The following USP2 variants were observed in gnomAD, a reference collection of about 807,000 sequenced individuals.
The protein encoded by USP2 is ubiquitin specific peptidase 2, also known as ubiquitin carboxyl-terminal hydrolase 2.
A neutral mutation model predicts 72.0 loss-of-function variants in USP2; 33 were observed. That is an observed-to-expected ratio of 0.46 (90% CI 0.35 to 0.61). The LOEUF is 0.61. USP2 is among the 20% of genes least tolerant of loss of function. USP2 has a pLI of 0.01. For missense variants in USP2, 691 were observed against 797.8 expected (o/e 0.87, Z 1.61); for synonymous variants, 296 against 312.5 (o/e 0.95, Z 0.56).
At chr11:119,366,339 C>T (rs1350645680) in intron 2 of USP2, among the ~76,000 whole-genome samples, 1 of 152,214 alleles carries the variant, frequency 6.6e-6, no homozygotes, top group Non-Finnish European at 1.5e-5. Context: ...GGATGTACTT[C>T]CTGCTCTCTG....
Position 119,356,664 on chromosome 11 carries a change from C to G in USP2, c.*171G>C. The G allele has an allele frequency of 1.5e-6, 1 of 661,268 alleles. No individual in the cohort carries two copies. The highest frequency in any genetic ancestry group is 2.9e-5 in the East Asian group (1 of 34,178). 41.0% of individuals were successfully genotyped at this position (661,268 alleles called of 1,614,324 possible). On this transcript the variant is annotated 3_prime_UTR_variant, in exon 13 of 13. Transcript: ENST00000260187. The stretch of plus-strand genomic sequence containing the variant: ...CGGGCCACAGCTCAGGAAAGCCCGG[C>G]TCCTTGCTCCAGACCCTGATCAGGC...
rs1217125054 is a variant in USP2, at chr11:119,358,017, G to A, written c.1386C>T (p.Phe462=). ...EVTLMDCMRL[F]TKEDVLDGDE... ...CTCCATCAAGCACATCCTCTTTGGT[G>A]AAGAGCCTCATGCAGTCCATTAATG... Residue 462 remains phenylalanine (F), a synonymous_variant, in exon 9 of 13, where the codon TTC becomes TTT. Transcript: ENST00000260187. 6.2e-7 allele frequency: 1 copy of A among 1,614,182 alleles called. No homozygotes were observed. Among genetic ancestry groups the A allele is most frequent in the East Asian group, 2.2e-5 (1 of 44,880 alleles).
chr11:119,355,701 G>C lies in USP2; in HGVS notation c.*1134C>G, dbSNP rs924320922. 2 of 152,440 alleles carry C rather than the reference G, an allele frequency of 1.3e-5. No individual in the cohort carries two copies. The highest frequency in any genetic ancestry group is 4.8e-5 in the African/African-American group (2 of 41,422). The allele number at this position is 152,440 out of a possible 1,614,324, so 9.4% of individuals were successfully genotyped here. A position where few individuals can be genotyped will look rare whatever the true frequency, so the allele number is the denominator to read the frequency against. On this transcript the variant is annotated 3_prime_UTR_variant, in exon 13 of 13. Transcript: ENST00000260187. ...AGGGGGCGGGGGCAGGAAGGCCAGG[G>C]GGAAAGGGATGTTAAGAGAATAAAT... is the stretch of plus-strand genomic sequence containing the variant.
At chr11:119,365,620 C>G (rs1365207749) in intron 2 of USP2, among the ~76,000 whole-genome samples, 2 of 152,198 alleles carry the variant, frequency 1.3e-5, no homozygotes, top group African/African-American at 4.8e-5. Context: ...TCTCATCACT[C>G]TTCTGTCCTG....
At position 119,356,658 on chromosome 11, in the gene USP2, GC is replaced by G. The variant is rs1266414280; in HGVS notation, c.*176del. On this transcript the variant is annotated 3_prime_UTR_variant, in exon 13 of 13. Coordinates refer to ENST00000260187, the MANE Select transcript of USP2 (RefSeq NM_004205.5). ...CCCTGCCGGGCCACAGCTCAGGAAA[GC>G]CCGGCTCCTTGCTCCAGACCCTGAT... 6.2e-6 allele frequency: 4 copies of G among 641,420 alleles called. No homozygotes were observed. Among genetic ancestry groups the G allele is most frequent in the African/African-American group, 5.6e-5 (3 of 53,606 alleles). The allele number at this position is 641,420 out of a possible 1,614,324, so 39.7% of individuals were successfully genotyped here.
At chr11:119,357,336 G>A (rs1437714075) in intron 11 of USP2, 29 bp from the exon 12 acceptor site, 12 of 1,583,112 alleles carry the variant, frequency 7.6e-6, no homozygotes, top group South Asian at 3.3e-5. Context: ...TCAAGCCCCC[G>A]AGGCCCCCCT....
intron 1 of USP2, chr11:119,379,213 G>A: frequency 1.0e-6 from 1 of 985,500 alleles, no homozygotes; most frequent in South Asian, 4.7e-5. Context: ...CCAAGCCCCA[G>A]GAGAATTAAA....
intron 1 of USP2, chr11:119,378,995 G>T (rs1951032141): frequency 1.0e-6 from 1 of 985,336 alleles, no homozygotes; most frequent in South Asian, 4.7e-5. Context: ...TACCAAAGGG[G>T]CAGCTACTGA....
In USP2 at chr11:119,373,290, C is replaced by T. The variant is rs141614167; in HGVS notation, c.191G>A (p.Arg64His). Residue 64 changes from arginine (R) to histidine (H), a missense_variant, in exon 2 of 13, where the codon CGT (arginine) becomes CAT (histidine). Coordinates refer to ENST00000260187, the MANE Select transcript of USP2 (RefSeq NM_004205.5). ...VPTSSFLTRP[R>H]TYGPSSLLDY... ...CAGGAGGGAGGAGGGGCCATAGGTACGGGGACGGGTGAGGAAGCTGCTGGT... is the reference window on the plus strand; with the variant it reads ...CAGGAGGGAGGAGGGGCCATAGGTATGGGGACGGGTGAGGAAGCTGCTGGT... 2.4e-5 allele frequency: 39 copies of T among 1,613,780 alleles called. No individual in the cohort carries two copies. The highest frequency in any genetic ancestry group is 6.7e-5 in the Admixed American group (4 of 60,012).
intron 1 of USP2, among the ~76,000 whole-genome samples, chr11:119,374,891 T>G (rs1321227765): frequency 1.3e-5 from 2 of 152,052 alleles, no homozygotes; most frequent in Non-Finnish European, 2.9e-5. Flanking sequence ...TGTAAATGAG[T>G]AAAACCATCA....
chr11:119,372,348 C>T (rs572650978), intron 2 of USP2, among the ~76,000 whole-genome samples: 38 of 151,882 alleles, frequency 2.5e-4, no homozygotes, highest in Non-Finnish European at 3.5e-4. Context: ...GTGGTCTGGG[C>T]CCCCCCGCAT....
chr11:119,379,379 G>T, intron 1 of USP2: 1 of 690,104 alleles, frequency 1.4e-6, no homozygotes, highest in Non-Finnish European at 1.8e-6. Context: ...GGGTGGGGGT[G>T]GAACTTGAGA....
Position 119,356,722 on chromosome 11 carries a change from G to T in USP2, c.*113C>A. The T allele has an allele frequency of 1.7e-6, 2 of 1,170,594 alleles. No individual in the cohort carries two copies. Among genetic ancestry groups the T allele is most frequent in the Non-Finnish European group, 2.4e-6 (2 of 841,552 alleles). The allele number at this position is 1,170,594 out of a possible 1,614,324, so 72.5% of individuals were successfully genotyped here. On this transcript the variant is annotated 3_prime_UTR_variant, in exon 13 of 13. Coordinates refer to ENST00000260187, the MANE Select transcript of USP2 (RefSeq NM_004205.5). Reference sequence around the variant, plus strand: ...ACTCCTGCTCGGCAGCTTCAGGTTTGTTTTTCTCTTGTCAGGTTTGTGTGT... The same window carrying T: ...ACTCCTGCTCGGCAGCTTCAGGTTTTTTTTTCTCTTGTCAGGTTTGTGTGT...
At chr11:119,373,562 G>GT in intron 1 of USP2, 41 bp from the exon 2 acceptor site, 2 of 1,458,522 alleles carry the variant, frequency 1.4e-6, no homozygotes, top group Non-Finnish European at 1.8e-6. Flanking sequence ...GCCCTGCCAG[G>GT]TGTCGGGCTC....
chr11:119,356,954 G>A (rs1197183420), intron 12 of USP2, 32 bp from the exon 13 acceptor site: 5 of 1,547,444 alleles, frequency 3.2e-6, no homozygotes, highest in East Asian at 2.4e-5. Context: ...AGCCCGGAGC[G>A]GGCAGGACCG....
chr11:119,361,313 C>A (rs185811475), intron 2 of USP2, among the ~76,000 whole-genome samples: 1 of 152,140 alleles, frequency 6.6e-6, no homozygotes, highest in South Asian at 2.1e-4. Flanking sequence ...GGTGCTGGAT[C>A]GAGGACTCTG....
intron 2 of USP2, among the ~76,000 whole-genome samples, chr11:119,369,495 C>CT (rs368072999): frequency 2.2e-4 from 34 of 151,836 alleles, no homozygotes; most frequent in East Asian, 9.7e-4. Flanking sequence ...ACAGGATGTA[C>CT]TTTTTTTTAC....
In USP2 at chr11:119,359,571, G is replaced by C. The variant is rs763206240; in HGVS notation, c.915C>G (p.His305Gln). 1 of 1,614,020 alleles carries C rather than the reference G, an allele frequency of 6.2e-7. No homozygotes were observed. The highest frequency in any genetic ancestry group is 8.5e-7 in the Non-Finnish European group (1 of 1,180,028). The change falls in exon 4 of 13, where the codon CAC becomes CAG. Residue 305 changes from histidine (H) to glutamine (Q), a missense_variant. His to Gln is a conservative substitution (Grantham distance 24). Coordinates refer to ENST00000260187, the MANE Select transcript of USP2 (RefSeq NM_004205.5). ...GGGCTGTGTGTGCATTGCTGCCGTG[G>C]TGCAGGTCCCGCATGTAGAGCCTCT... ...CLQRLYMRDL[H>Q]HGSNAHTALV...
chr11:119,358,964 G>A (rs904088505), intron 6 of USP2, 60 bp downstream of exon 6: 14 of 1,586,884 alleles, frequency 8.8e-6, no homozygotes, highest in East Asian at 2.2e-5. Flanking sequence ...CCAAAGTGGT[G>A]GGTAAAAATC....
Sources: allele counts gnomAD v4.1 joint callset (sites outside exome capture counted in the v4.1 genomes callset), GRCh38; gene constraint gnomAD v4.1.1; transcripts MANE v1.5; gene names NCBI Gene and HGNC (gene_info 2026-07-23, HGNC 2026-07-21).